TMTC1: variants seen among roughly 807,000 people sequenced by gnomAD.
TMTC1 encodes transmembrane O-mannosyltransferase targeting cadherins 1, also known as protein O-mannosyl-transferase TMTC1.
A neutral mutation model predicts 104.8 loss-of-function variants in TMTC1; 73 were observed. That is an observed-to-expected ratio of 0.70 (90% CI 0.58 to 0.85). TMTC1 has a LOEUF of 0.85. TMTC1 is among the 40% of genes least tolerant of loss of function. The pLI is 0.00. For missense variants in TMTC1, 1,035 were observed against 1,096.1 expected (o/e 0.94, Z 0.79); for synonymous variants, 434 against 428.7 (o/e 1.01, Z -0.15).
In TMTC1 at chr12:29,657,155, C is replaced by T. The variant is rs376436929; in HGVS notation, c.939-23819G>A. Among the ~76,000 whole-genome samples the T allele has an allele frequency of 1.3e-4, 20 of 152,144 alleles. No individual in the cohort carries two copies. In the East Asian group the frequency reaches 1.5e-3, roughly 12 times the overall value. ...GTCTAACTACAAAGATAAGAATGAA[C>T]GCTCAAATTCAGGAGACAAGAAGTC... On this transcript the variant is annotated intron_variant, in intron 5 of 17. Coordinates refer to ENST00000539277, the MANE Select transcript of TMTC1 (RefSeq NM_001193451.2).
rs1409416415 is a variant in TMTC1 at position 29,501,487 on chromosome 12, T to TCAGTGG, written c.*5353_*5358dup. On this transcript the variant is annotated 3_prime_UTR_variant, in exon 18 of 18. Transcript: ENST00000539277. Reference sequence around the variant, plus strand: ...AACTTGCCCCAGGTAAGGTGGCTCTTCAGTGGCAGAGCTAGAACTAGAACT... The same window carrying TCAGTGG: ...AACTTGCCCCAGGTAAGGTGGCTCTTCAGTGGCAGTGGCAGAGCTAGAACTAGAACT... 1.3e-5 allele frequency: 2 copies of TCAGTGG among 152,136 alleles called. No individual in the cohort carries two copies. The highest frequency in any genetic ancestry group is 2.9e-5 in the Non-Finnish European group (2 of 68,022). The allele number at this position is 152,136 out of a possible 1,614,324, so 9.4% of individuals were successfully genotyped here.
At chr12:29,759,957 G>A (rs771485675) in intron 2 of TMTC1, among the ~76,000 whole-genome samples, 2 of 151,988 alleles carry the variant, frequency 1.3e-5, no homozygotes, top group African/African-American at 2.4e-5. Context: ...CAACTTTCAG[G>A]TCAACAACGA....
At chr12:29,536,086 T>C in intron 11 of TMTC1, 123 bp downstream of exon 11, 1 of 688,846 alleles carries the variant, frequency 1.5e-6, no homozygotes, top group Non-Finnish European at 2.5e-6. Context: ...CAAAAGAAAC[T>C]GACATAGAGA....
intron 5 of TMTC1, among the ~76,000 whole-genome samples, chr12:29,671,298 T>TTAAATAAA (rs66951742): frequency 0.018 from 2,525 of 143,504 alleles, 28 homozygotes; most frequent in East Asian, 0.031. Context: ...AGACTCCATC[T>TTAAATAAA]TAAATAAATA....
intron 5 of TMTC1, among the ~76,000 whole-genome samples, chr12:29,674,865 C>T (rs530379629): frequency 9.3e-4 from 141 of 152,210 alleles, no homozygotes; most frequent in Non-Finnish European, 1.7e-3. Flanking sequence ...CCCCAATGGG[C>T]CAGCAGCAGC....
chr12:29,518,683 G>T, intron 12 of TMTC1, 76 bp from the exon 13 acceptor site: 1 of 1,523,098 alleles, frequency 6.6e-7, no homozygotes, highest in South Asian at 1.3e-5. Flanking sequence ...TTTCTCTTCT[G>T]ACTTATAATT....
chr12:29,723,738 A>T (rs1166263171), intron 5 of TMTC1, among the ~76,000 whole-genome samples: 1 of 152,096 alleles, frequency 6.6e-6, no homozygotes, highest in East Asian at 1.9e-4. Flanking sequence ...CGAGAGAGAG[A>T]GAGAAGGAAA....
At chr12:29,744,740 T>G (rs1329357765) in intron 5 of TMTC1, among the ~76,000 whole-genome samples, 1 of 152,206 alleles carries the variant, frequency 6.6e-6, no homozygotes, top group Non-Finnish European at 1.5e-5. Flanking sequence ...AACACTTTTC[T>G]GGCAAGTTCT....
chr12:29,730,214 G>T (rs1003964467), intron 5 of TMTC1, among the ~76,000 whole-genome samples: 1 of 152,216 alleles, frequency 6.6e-6, no homozygotes, highest in Non-Finnish European at 1.5e-5. Context: ...AACACAGGAA[G>T]GTGAGCTTTG....
intron 5 of TMTC1, among the ~76,000 whole-genome samples, chr12:29,656,921 C>T (rs576114117): frequency 1.3e-5 from 2 of 152,294 alleles, no homozygotes; most frequent in Non-Finnish European, 1.5e-5. Context: ...TAAGATGTTA[C>T]AGCTAGGACA....
chr12:29,633,244 G>T lies in TMTC1; in HGVS notation c.1031C>A (p.Pro344His). 2.5e-6 allele frequency: 4 copies of T among 1,613,974 alleles called. No individual in the cohort carries two copies. The South Asian group carries it at 4.4e-5, about 18-fold the overall frequency. Residue 344 changes from proline to histidine, a missense_variant, in exon 6 of 18, where the codon CCT (proline) becomes CAT (histidine). Coordinates refer to ENST00000539277, the MANE Select transcript of TMTC1 (RefSeq NM_001193451.2). ...LCYDWQVGSI[P>H]LVETIWDMRN... ...CATGTCCCATATGGTCTCTACCAGAGGAATACTGCCGACCTGCCAGTCATA... is the reference window on the plus strand; with the variant it reads ...CATGTCCCATATGGTCTCTACCAGATGAATACTGCCGACCTGCCAGTCATA...
chr12:29,556,087 C>G (rs1304043853), intron 10 of TMTC1, among the ~76,000 whole-genome samples: 2 of 151,684 alleles, frequency 1.3e-5, no homozygotes, highest in East Asian at 3.9e-4. Flanking sequence ...AATTCCATAA[C>G]TACCACCACC....
intron 9 of TMTC1, among the ~76,000 whole-genome samples, chr12:29,569,857 A>G (rs1044783617): frequency 5.3e-5 from 8 of 152,196 alleles, no homozygotes; most frequent in Non-Finnish European, 1.2e-4. Context: ...CCCATGTCTC[A>G]AGGGACATAT....
At chr12:29,682,099 ATGAAGTGG>A (rs1424268666) in intron 5 of TMTC1, among the ~76,000 whole-genome samples, 2 of 152,222 alleles carry the variant, frequency 1.3e-5, no homozygotes, top group Non-Finnish European at 2.9e-5. Flanking sequence ...GATAAAAGAC[ATGAAGTGG>A]TGTTTCACTA....
chr12:29,755,771 G>C lies in TMTC1; in HGVS notation c.669C>G (p.Ile223Met). The C allele has an allele frequency of 6.2e-7, 1 of 1,614,156 alleles. No individual in the cohort carries two copies. Among genetic ancestry groups the C allele is most frequent in the African/African-American group, 1.3e-5 (1 of 75,040 alleles). The change falls in exon 4 of 18, where the codon ATC becomes ATG. Residue 223 changes from isoleucine to methionine, a missense_variant. Physicochemically the swap from Ile to Met is conservative, Grantham distance 10. Coordinates refer to ENST00000539277, the MANE Select transcript of TMTC1 (RefSeq NM_001193451.2). ...AAACCAAGCACACTCCAAACACCGT[G>C]ATGCCTGTCTCTTTCACCAGCATCG... ...TCAMLVKETG[I>M]TVFGVCLVYD...
intron 11 of TMTC1, among the ~76,000 whole-genome samples, chr12:29,525,326 G>A (rs1237026515): frequency 2.0e-5 from 3 of 151,508 alleles, no homozygotes; most frequent in African/African-American, 7.3e-5. Flanking sequence ...GGGATTACAG[G>A]CACCCATCAC....
At chr12:29,764,282 T>A (rs1435622339) in intron 2 of TMTC1, among the ~76,000 whole-genome samples, 1 of 152,246 alleles carries the variant, frequency 6.6e-6, no homozygotes, top group African/African-American at 2.4e-5. Flanking sequence ...GTTAATTTGC[T>A]ATAGAAACCT....
rs553797793 is a variant in TMTC1 at position 29,600,867 on chromosome 12, A to T, written c.1250+3311T>A. ...GATTCACTAAGCAGTAAAGAGAAAC[A>T]CTCAGAAAAAGATGACTTAGTGATA... On this transcript the variant is annotated intron_variant, in intron 7 of 17. Transcript: ENST00000539277. Among the ~76,000 whole-genome samples the T allele has an allele frequency of 4.6e-5, 7 of 152,326 alleles. No homozygotes were observed. In the East Asian group the frequency reaches 1.4e-3, roughly 29 times the overall value.
chr12:29,701,248 G>A (rs1391812684), intron 5 of TMTC1, among the ~76,000 whole-genome samples: 1 of 152,184 alleles, frequency 6.6e-6, no homozygotes, highest in East Asian at 1.9e-4. Flanking sequence ...ATGTGCCACT[G>A]AGGCTTCCTG....
Sources: allele counts gnomAD v4.1 joint callset (sites outside exome capture counted in the v4.1 genomes callset), GRCh38; gene constraint gnomAD v4.1.1; transcripts MANE v1.5; gene names NCBI Gene and HGNC (gene_info 2026-07-23, HGNC 2026-07-21).